The following ADGRL3 variants were observed in gnomAD, a reference collection of about 807,000 sequenced individuals.
The protein encoded by ADGRL3 is calcium-independent alpha-latrotoxin receptor 3.
Under a neutral mutation model 153.5 loss-of-function variants are expected in ADGRL3, and 62 were observed. The ratio of observed to expected loss-of-function variants is 0.40; its 90% CI spans 0.33 to 0.50. The LOEUF (loss-of-function observed/expected upper bound fraction) is 0.50, where lower values mean the gene tolerates loss of function less well. ADGRL3 is among the 20% of genes least tolerant of loss of function. ADGRL3 has a pLI of 0.47. For missense variants in ADGRL3, 1,641 were observed against 1,859.4 expected (o/e 0.88, Z 2.16); for synonymous variants, 710 against 672.5 (o/e 1.06, Z -0.86).
intron 6 of ADGRL3, among the ~76,000 whole-genome samples, chr4:61,682,653 G>A (rs1374212002): frequency 1.4e-5 from 2 of 144,696 alleles, no homozygotes; most frequent in African/African-American, 2.5e-5. Flanking sequence ...CAATCTTCCC[G>A]CCTAGGCCTC....
chr4:61,537,948 A>T (rs2098667078), intron 4 of ADGRL3, among the ~76,000 whole-genome samples: 1 of 151,980 alleles, frequency 6.6e-6, no homozygotes, highest in Non-Finnish European at 1.5e-5. Context: ...TCATTTTTTT[A>T]AATTCTTCAT....
chr4:61,951,829 A>G (rs1411882334), intron 17 of ADGRL3, among the ~76,000 whole-genome samples: 1 of 152,122 alleles, frequency 6.6e-6, no homozygotes. Context: ...CAACCACTGC[A>G]ACTCCAGTTT....
intron 17 of ADGRL3, among the ~76,000 whole-genome samples, chr4:61,961,267 C>T (rs1006611782): frequency 5.9e-5 from 9 of 152,262 alleles, no homozygotes; most frequent in East Asian, 1.9e-4. Flanking sequence ...CTTGCTTTCC[C>T]TCCTTCTGTG....
intron 5 of ADGRL3, among the ~76,000 whole-genome samples, chr4:61,631,393 T>C (rs2093157019): frequency 6.6e-6 from 1 of 152,230 alleles, no homozygotes; most frequent in Non-Finnish European, 1.5e-5. Flanking sequence ...AGTTCTATAA[T>C]AAAGAAATCC....
Position 62,071,545 on chromosome 4 carries a change from G to T in ADGRL3, c.*637G>T, listed in dbSNP as rs962734188. The T allele has an allele frequency of 5.8e-6, 1 of 173,846 alleles. No individual in the cohort carries two copies. The highest frequency in any genetic ancestry group is 5.6e-4 in the Middle Eastern group (1 of 1,778). 10.8% of individuals were successfully genotyped at this position (173,846 alleles called of 1,614,324 possible). A position where few individuals can be genotyped will look rare whatever the true frequency, so the allele number is the denominator to read the frequency against. ...GATAAAACTAATGGCAGAAAAAGAA[G>T]TTGAGCAATTTCTATGTAATGTACA... is the stretch of plus-strand genomic sequence containing the variant. On this transcript the variant is annotated 3_prime_UTR_variant, in exon 27 of 27. Coordinates refer to ENST00000683033, the MANE Select transcript of ADGRL3 (RefSeq NM_001387552.1).
At chr4:61,238,918 A>G (rs1457856312) in intron 1 of ADGRL3, among the ~76,000 whole-genome samples, 1 of 152,174 alleles carries the variant, frequency 6.6e-6, no homozygotes, top group Non-Finnish European at 1.5e-5. Context: ...TTAGAGACCT[A>G]CAGAATAATT....
chr4:61,735,757 A>G (rs1219161480), intron 8 of ADGRL3, among the ~76,000 whole-genome samples: 2 of 152,184 alleles, frequency 1.3e-5, no homozygotes, highest in East Asian at 1.9e-4. Flanking sequence ...CATTTATTTA[A>G]AAGAGCATAC....
At chr4:61,325,441 T>C (rs1023159964) in intron 1 of ADGRL3, among the ~76,000 whole-genome samples, 1 of 152,250 alleles carries the variant, frequency 6.6e-6, no homozygotes. Context: ...ATTAATGCAG[T>C]AGTACTTTCA....
intron 15 of ADGRL3, among the ~76,000 whole-genome samples, chr4:61,937,110 A>G (rs962836422): frequency 6.6e-6 from 1 of 152,212 alleles, no homozygotes; most frequent in Non-Finnish European, 1.5e-5. Context: ...AGATTCCTGC[A>G]TTAGCTTCCT....
At chr4:61,629,964 C>G (rs997667547) in intron 5 of ADGRL3, among the ~76,000 whole-genome samples, 3 of 152,010 alleles carry the variant, frequency 2.0e-5, no homozygotes, top group African/African-American at 7.2e-5. Flanking sequence ...TCCTGCCAAT[C>G]TTTGGGCAAA....
chr4:61,543,338 G>A (rs1166740745), intron 4 of ADGRL3, among the ~76,000 whole-genome samples: 1 of 152,074 alleles, frequency 6.6e-6, no homozygotes, highest in African/African-American at 2.4e-5. Flanking sequence ...GGAGGCAAAG[G>A]GGAGAGTGAG....
chr4:61,308,181 C>A (rs771661304), intron 1 of ADGRL3, among the ~76,000 whole-genome samples: 5 of 152,130 alleles, frequency 3.3e-5, no homozygotes, highest in African/African-American at 4.8e-5. Flanking sequence ...GACGATCATG[C>A]GTTAGCTGTT....
At chr4:61,845,566 A>C (rs1474646195) in intron 9 of ADGRL3, among the ~76,000 whole-genome samples, 1 of 145,702 alleles carries the variant, frequency 6.9e-6, no homozygotes, top group East Asian at 2.0e-4. Flanking sequence ...CAGTCTTACT[A>C]TGTTGCCCAG....
At chr4:61,697,459 C>T (rs2095662914) in intron 6 of ADGRL3, among the ~76,000 whole-genome samples, 1 of 151,242 alleles carries the variant, frequency 6.6e-6, no homozygotes, top group Non-Finnish European at 1.5e-5. Flanking sequence ...ACTCGGGAGG[C>T]TGAGGAGGAG....
chr4:61,576,933 A>G (rs1287220262), intron 4 of ADGRL3, among the ~76,000 whole-genome samples: 1 of 151,948 alleles, frequency 6.6e-6, no homozygotes, highest in Non-Finnish European at 1.5e-5. Flanking sequence ...TTCCAAAGTC[A>G]TTGTAAAGCT....
At chr4:61,211,574 T>C (rs1246275446) in intron 1 of ADGRL3, 1 of 152,202 alleles carries the variant, frequency 6.6e-6, no homozygotes, top group Non-Finnish European at 1.5e-5. Flanking sequence ...ACAAGTCAGG[T>C]GTTAGAAGAA....
At chr4:61,580,966 A>T (rs1382197419) in intron 4 of ADGRL3, among the ~76,000 whole-genome samples, 1 of 152,102 alleles carries the variant, frequency 6.6e-6, no homozygotes, top group Non-Finnish European at 1.5e-5. Context: ...CTGGAAGAGT[A>T]TCAAAGAACT....
Position 62,070,121 on chromosome 4 carries a change from A to G in ADGRL3, c.3845A>G (p.Asn1282Ser). The G allele has an allele frequency of 6.2e-7, 1 of 1,613,132 alleles. No individual in the cohort carries two copies. The highest frequency in any genetic ancestry group is 8.5e-7 in the Non-Finnish European group (1 of 1,179,290). Residue 1282 changes from asparagine to serine, a missense_variant, in exon 27 of 27, where the codon AAC (asparagine) becomes AGC (serine). Physicochemically the swap from Asn to Ser is conservative, Grantham distance 46. Around this residue, in one of 5 missense-constraint regions of ADGRL3, gnomAD observed 517 missense variants for 555.0 expected, o/e 0.93. Coordinates refer to ENST00000683033, the MANE Select transcript of ADGRL3 (RefSeq NM_001387552.1). Reference protein sequence around the residue: ...EPYRETKGLLNNARDTSVMDT... With the variant: ...EPYRETKGLLSNARDTSVMDT... ...TAATCTTTTTCAGAGGGGCTTCTGA[A>G]CAATGCCAGGGATACAAGTGTCATG...
intron 24 of ADGRL3, among the ~76,000 whole-genome samples, chr4:62,039,742 A>G (rs868816422): frequency 3.9e-5 from 6 of 152,106 alleles, no homozygotes; most frequent in Non-Finnish European, 8.8e-5. Flanking sequence ...TTTCAGACTC[A>G]TAATCCCTTG....
Sources: allele counts gnomAD v4.1 joint callset (sites outside exome capture counted in the v4.1 genomes callset), GRCh38; gene constraint gnomAD v4.1.1; regional missense constraint gnomAD v4.1.1; transcripts MANE v1.5; gene names NCBI Gene and HGNC (gene_info 2026-07-23, HGNC 2026-07-21).